ARHGEF6: variants seen among roughly 807,000 people sequenced by gnomAD.
The protein encoded by ARHGEF6 is rho guanine nucleotide exchange factor 6.
A neutral mutation model predicts 70.3 loss-of-function variants in ARHGEF6; 9 were observed. The observed-to-expected ratio is 0.13, with a 90% CI of 0.08 to 0.22. The LOEUF is 0.22. ARHGEF6 is among the 10% of genes least tolerant of loss of function. ARHGEF6 has a pLI of 1.00. For missense variants in ARHGEF6, 470 were observed against 563.0 expected, an observed-to-expected ratio of 0.83 and a Z score of 1.67; for synonymous variants, 201 against 207.8, an observed-to-expected ratio of 0.97 and a Z score of 0.28.
rs1569410761 is a variant in ARHGEF6, at chrX:136,727,327, T to TTTC, written c.732+4774_732+4775insGAA. On this transcript the variant is annotated intron_variant, in intron 6 of 21. Coordinates refer to ENST00000250617, the MANE Select transcript of ARHGEF6 (RefSeq NM_004840.3). The stretch of plus-strand genomic sequence containing the variant: ...GTAGTCTTTCTTTCTTTCTTTCTTT[T>TTTC]TCTTTCTTTCTTTCTTTCTTTCTTT... 5.2e-3 allele frequency among the ~76,000 whole-genome samples: 149 copies of TTTC among 28,810 alleles called. 1 individual carries two copies. Among genetic ancestry groups the TTTC allele is most frequent in the South Asian group, 0.011 (4 of 362 alleles). 25.0% of individuals were successfully genotyped at this position (28,810 alleles called of 115,157 possible). A position where few individuals can be genotyped will look rare whatever the true frequency, so the allele number is the denominator to read the frequency against.
At chrX:136,764,087 T>A (rs1377870137) in intron 2 of ARHGEF6, among the ~76,000 whole-genome samples, 2 of 110,132 alleles carry the variant, frequency 1.8e-5, no homozygotes, top group African/African-American at 6.6e-5. Flanking sequence ...ACAGTTGAGG[T>A]CACTAGGTTG....
intron 2 of ARHGEF6, among the ~76,000 whole-genome samples, chrX:136,758,011 T>A (rs1556306249): frequency 1.0e-5 from 1 of 95,803 alleles, no homozygotes; most frequent in South Asian, 6.0e-4. Context: ...ATATTTTCCA[T>A]CACCTGCTAA....
chrX:136,719,124 C>G (rs1185718348), intron 6 of ARHGEF6, among the ~76,000 whole-genome samples: 1 of 108,081 alleles, frequency 9.3e-6, no homozygotes, highest in Non-Finnish European at 1.9e-5. Flanking sequence ...ATCCAACAAG[C>G]AGAAAATCAG....
intron 13 of ARHGEF6, among the ~76,000 whole-genome samples, chrX:136,682,406 G>A (rs780171911): frequency 8.9e-6 from 1 of 112,087 alleles, no homozygotes; most frequent in East Asian, 2.8e-4. Flanking sequence ...ATCATGTGCT[G>A]TGACTATAAT....
At chrX:136,700,109 G>C (rs753497040) in intron 9 of ARHGEF6, among the ~76,000 whole-genome samples, 1 of 111,292 alleles carries the variant, frequency 9.0e-6, no homozygotes, top group East Asian at 2.8e-4. Context: ...TAACATTATA[G>C]AATGTGTCCC....
chrX:136,679,669 A>G lies in ARHGEF6; in HGVS notation c.1705-9T>C. 8.3e-7 allele frequency: 1 copy of G among 1,211,567 alleles called. No individual in the cohort carries two copies. Among genetic ancestry groups the G allele is most frequent in the Non-Finnish European group, 1.1e-6 (1 of 895,232 alleles). ...CCGGTAGAGCTAAAAGACTGGGAAA[A>G]TGTCTGATGAGATGTTGGCAATCTG... On this transcript the variant is annotated splice_polypyrimidine_tract_variant and intron_variant, in intron 15 of 21. Transcript: ENST00000250617.
At chrX:136,677,220 A>T (rs1177617987) in intron 17 of ARHGEF6, among the ~76,000 whole-genome samples, 1 of 112,510 alleles carries the variant, frequency 8.9e-6, no homozygotes, top group East Asian at 2.8e-4. Context: ...TCCATTTGTG[A>T]GACAGAAAAA....
intron 2 of ARHGEF6, among the ~76,000 whole-genome samples, chrX:136,750,403 T>C (rs1217909228): frequency 8.9e-6 from 1 of 112,478 alleles, no homozygotes; most frequent in African/African-American, 3.2e-5. Flanking sequence ...ATACTCATCT[T>C]CTAGTACCCT....
intron 2 of ARHGEF6, among the ~76,000 whole-genome samples, chrX:136,776,878 G>GATAAATAA (rs59514085): frequency 0.02 from 2,003 of 99,928 alleles, 30 homozygotes; most frequent in Non-Finnish European, 0.027. Flanking sequence ...TAAATAAATA[G>GATAAATAA]ATAAATAAAT....
chrX:136,697,819 T>G (rs1322025233), intron 9 of ARHGEF6, among the ~76,000 whole-genome samples: 2 of 112,742 alleles, frequency 1.8e-5, no homozygotes, highest in Admixed American at 1.9e-4. Context: ...ACCTAAAATG[T>G]CTTGTTCTCA....
At chrX:136,725,142 A>G (rs768669280) in intron 6 of ARHGEF6, among the ~76,000 whole-genome samples, 1 of 110,403 alleles carries the variant, frequency 9.1e-6, no homozygotes, top group Non-Finnish European at 1.9e-5. Flanking sequence ...GAGGCAACAC[A>G]CTTTCTAGGG....
chrX:136,721,315 C>A (rs1222128290), intron 6 of ARHGEF6, among the ~76,000 whole-genome samples: 1 of 111,914 alleles, frequency 8.9e-6, no homozygotes, highest in African/African-American at 3.2e-5. Context: ...ATAATCCCAG[C>A]ACTTTGGGAG....
At chrX:136,687,464 G>A (rs1252655139) in intron 11 of ARHGEF6, among the ~76,000 whole-genome samples, 10 of 112,337 alleles carry the variant, frequency 8.9e-5, no homozygotes, top group African/African-American at 3.2e-4. Context: ...CCTATATAAA[G>A]CACTTGCATT....
chrX:136,698,470 TAAA>T (rs35344078), intron 9 of ARHGEF6, among the ~76,000 whole-genome samples: 5 of 111,284 alleles, frequency 4.5e-5, no homozygotes, highest in Non-Finnish European at 9.4e-5. Context: ...CAAATTATAA[TAAA>T]AATCCTGAAA....
At chrX:136,739,464 A>C (rs905000437) in intron 5 of ARHGEF6, among the ~76,000 whole-genome samples, 2 of 112,145 alleles carry the variant, frequency 1.8e-5, no homozygotes, top group African/African-American at 6.5e-5. Context: ...GAACAAGCTG[A>C]ACAGAATTGA....
Position 136,678,542 on chromosome X carries a change from G to A in ARHGEF6, c.1831-586C>T, listed in dbSNP as rs182625191. Among the ~76,000 whole-genome samples, 481 of 111,762 alleles carry A rather than the reference G, an allele frequency of 4.3e-3. 1 individual carries two copies. The highest frequency in any genetic ancestry group is 7.3e-3 in the Non-Finnish European group (388 of 53,064). On this transcript the variant is annotated intron_variant, in intron 16 of 21. Transcript: ENST00000250617. Reference sequence around the variant, plus strand: ...GTTCGAGGGTTGTTTGTCCTATCATGTCAAGTTGAAAGGATCAAAAAATCC... The same window carrying A: ...GTTCGAGGGTTGTTTGTCCTATCATATCAAGTTGAAAGGATCAAAAAATCC...
intron 2 of ARHGEF6, among the ~76,000 whole-genome samples, chrX:136,750,724 T>A (rs906441175): frequency 8.9e-6 from 1 of 112,009 alleles, no homozygotes; most frequent in Non-Finnish European, 1.9e-5. Context: ...CAGACAGGGA[T>A]TAAACTTTAT....
chrX:136,704,027 T>A (rs963334591), intron 9 of ARHGEF6, among the ~76,000 whole-genome samples: 5 of 112,712 alleles, frequency 4.4e-5, no homozygotes, highest in African/African-American at 1.6e-4. Flanking sequence ...ATGTATCTGG[T>A]AAGAATCTAA....
chrX:136,768,932 A>T (rs1186808936), intron 2 of ARHGEF6, among the ~76,000 whole-genome samples: 1 of 106,581 alleles, frequency 9.4e-6, no homozygotes, highest in Non-Finnish European at 1.9e-5. Context: ...AGAAAAAAAC[A>T]TACTGCTACC....
Sources: gnomAD v4.1 joint callset for allele counts (sites outside exome capture counted in the v4.1 genomes callset) on GRCh38, gnomAD v4.1.1 for gene constraint, MANE v1.5 for transcripts, NCBI Gene and HGNC (gene_info 2026-07-23, HGNC 2026-07-21) for gene names.